SIM1: variants seen among roughly 807,000 people sequenced by gnomAD.
The protein encoded by SIM1 is SIM bHLH transcription factor 1.
Under a neutral mutation model 78.2 loss-of-function variants are expected in SIM1, and 18 were observed. That is an observed-to-expected ratio of 0.23 (90% CI 0.16 to 0.34). The LOEUF is 0.34. Ranked by LOEUF, SIM1 falls within the 10% of genes least tolerant of loss-of-function variation. The probability of loss-of-function intolerance (pLI) is 1.00; values close to 1 mark genes in which losing one functional copy is unlikely to be tolerated. For synonymous variants in SIM1, 417 were observed against 385.2 expected, an observed-to-expected ratio of 1.08 and a Z score of -0.97; for missense variants, 939 against 975.1, an observed-to-expected ratio of 0.96 and a Z score of 0.49.
intron 10 of SIM1, among the ~76,000 whole-genome samples, chr6:100,408,753 A>G (rs984171280): frequency 6.6e-6 from 1 of 152,108 alleles, no homozygotes; most frequent in Non-Finnish European, 1.5e-5. Context: ...CATCCCAGGG[A>G]TAAATCCCAC....
Position 100,385,934 on chromosome 6 carries a change from A to G in SIM1, c.*4427T>C, listed in dbSNP as rs1232424182. 5 of 151,916 alleles carry G rather than the reference A, an allele frequency of 3.3e-5. No homozygotes were observed. Among genetic ancestry groups the G allele is most frequent in the African/African-American group, 1.2e-4 (5 of 41,410 alleles). 9.4% of individuals were successfully genotyped at this position (151,916 alleles called of 1,614,324 possible). On this transcript the variant is annotated 3_prime_UTR_variant, in exon 12 of 12. Transcript: ENST00000369208. ...GAAATTTCCCCCAACAATATTTTCT[A>G]TGTCTGATACCTTTTGCATGTGTCC... is the stretch of plus-strand genomic sequence containing the variant.
At position 100,403,625 on chromosome 6, in the gene SIM1, A is replaced by G. The variant is rs1036483151; in HGVS notation, c.1168-9736T>C. 2.0e-5 allele frequency among the ~76,000 whole-genome samples: 3 copies of G among 152,210 alleles called. 1 individual carries two copies. Among genetic ancestry groups the G allele is most frequent in the Non-Finnish European group, 4.4e-5 (3 of 68,034 alleles). On this transcript the variant is annotated intron_variant, in intron 10 of 11. Coordinates refer to ENST00000369208, the MANE Select transcript of SIM1 (RefSeq NM_005068.3). ...AAAGACCTGAATAGAGGGAAAAACA[A>G]AATAGGAGTTCAAAGAAGGAAAACA...
At chr6:100,440,064 C>T (rs115040264) in intron 9 of SIM1, among the ~76,000 whole-genome samples, 1 of 152,186 alleles carries the variant, frequency 6.6e-6, no homozygotes, top group Non-Finnish European at 1.5e-5. Flanking sequence ...ACAATGAATT[C>T]TCTTTCAAAG....
chr6:100,406,716 G>A (rs1389943179), intron 10 of SIM1, among the ~76,000 whole-genome samples: 2 of 150,906 alleles, frequency 1.3e-5, no homozygotes, highest in Non-Finnish European at 2.9e-5. Context: ...CTACTAAATT[G>A]TATACATTTA....
At chr6:100,421,487 C>T (rs1210749207) in intron 9 of SIM1, among the ~76,000 whole-genome samples, 1 of 152,160 alleles carries the variant, frequency 6.6e-6, no homozygotes, top group Non-Finnish European at 1.5e-5. Flanking sequence ...TCTTTCCATT[C>T]CTTCGTTTAT....
chr6:100,412,576 AAAGAAAGAAAG>A (rs1771227787), intron 10 of SIM1, among the ~76,000 whole-genome samples: 1 of 111,518 alleles, frequency 9.0e-6, no homozygotes, highest in Non-Finnish European at 1.9e-5. Context: ...AGAAAGAAAG[AAAGAAAGAAAG>A]AAAGAAAGAA....
chr6:100,423,401 G>C (rs1771644947), intron 9 of SIM1, among the ~76,000 whole-genome samples: 1 of 152,092 alleles, frequency 6.6e-6, no homozygotes, highest in African/African-American at 2.4e-5. Context: ...CTGTTCTGGG[G>C]GCAGGGAGAC....
At chr6:100,431,434 A>C (rs1771896122) in intron 9 of SIM1, among the ~76,000 whole-genome samples, 1 of 152,206 alleles carries the variant, frequency 6.6e-6, no homozygotes, top group Non-Finnish European at 1.5e-5. Flanking sequence ...TAAATGACTA[A>C]AATAAATTTG....
intron 10 of SIM1, among the ~76,000 whole-genome samples, chr6:100,408,900 G>C (rs1262622685): frequency 1.3e-5 from 2 of 152,068 alleles, no homozygotes; most frequent in Non-Finnish European, 2.9e-5. Flanking sequence ...TTTGGCTTCA[G>C]TATCAGGGTA....
intron 10 of SIM1, 138 bp downstream of exon 10, chr6:100,420,652 A>G (rs898933732): frequency 2.4e-6 from 2 of 817,240 alleles, no homozygotes; most frequent in African/African-American, 3.5e-5. Flanking sequence ...CAGATAGTTT[A>G]GAGAACCTTC....
At chr6:100,408,507 AG>A (rs1423191160) in intron 10 of SIM1, among the ~76,000 whole-genome samples, 1 of 151,928 alleles carries the variant, frequency 6.6e-6, no homozygotes, top group Admixed American at 6.6e-5. Flanking sequence ...CTGGTCTTAG[AG>A]GGAAAGTTTT....
intron 3 of SIM1, among the ~76,000 whole-genome samples, chr6:100,452,529 A>G (rs1772538272): frequency 6.6e-6 from 1 of 152,188 alleles, no homozygotes; most frequent in Non-Finnish European, 1.5e-5. Flanking sequence ...GACTGCAGGG[A>G]TGAGGGAGTA....
intron 9 of SIM1, among the ~76,000 whole-genome samples, chr6:100,428,476 T>C (rs984649405): frequency 2.0e-5 from 3 of 152,172 alleles, no homozygotes; most frequent in African/African-American, 7.2e-5. Context: ...AGCAGCTATA[T>C]GAATTAAAGC....
intron 3 of SIM1, 77 bp from the exon 4 acceptor site, chr6:100,450,433 G>A (rs1772478781): frequency 7.6e-7 from 1 of 1,322,964 alleles, no homozygotes; most frequent in African/African-American, 1.4e-5. Context: ...ACAGAAGTTA[G>A]TGACTTTCAG....
rs1418903685 is a variant in SIM1 at position 100,453,862 on chromosome 6, C to T, written c.176-18G>A. The stretch of plus-strand genomic sequence containing the variant: ...GCCGAGCCCTGTGGAGACACAGAAG[C>T]ATCCTGTAGCCACTGAACCCGGACC... On this transcript the variant is annotated intron_variant, in intron 2 of 11. Transcript: ENST00000369208. The T allele has an allele frequency of 1.3e-6, 2 of 1,596,002 alleles. No individual in the cohort carries two copies. The highest frequency in any genetic ancestry group is 2.7e-5 in the African/African-American group (2 of 74,164).
Position 100,441,129 on chromosome 6 carries a change from C to T in SIM1, c.998+6139G>A, listed in dbSNP as rs1425929319. On this transcript the variant is annotated intron_variant, in intron 9 of 11. Transcript: ENST00000369208. ...GTAGACAGGCTGGTCATTCAATACA[C>T]ACCAAGTGGCCTCTACCCAGGAACT... is the stretch of plus-strand genomic sequence containing the variant. Among the ~76,000 whole-genome samples, 3 of 152,268 alleles carry T rather than the reference C, an allele frequency of 2.0e-5. No homozygotes were observed. The East Asian group carries it at 5.8e-4, about 29-fold the overall frequency.
intron 10 of SIM1, among the ~76,000 whole-genome samples, chr6:100,407,232 G>A (rs902110921): frequency 7.3e-5 from 11 of 151,508 alleles, no homozygotes; most frequent in African/African-American, 9.7e-5. Flanking sequence ...TACAGTATTC[G>A]TCTTTCTCTA....
At chr6:100,448,079 G>A (rs900437259) in intron 8 of SIM1, 67 bp downstream of exon 8, 1 of 1,302,570 alleles carries the variant, frequency 7.7e-7, no homozygotes, top group East Asian at 2.5e-5. Context: ...TTAAATCGTG[G>A]CTCCCCCACC....
rs756219222 is a variant in SIM1, at chr6:100,390,618, T to C, written c.2044A>G (p.Ile682Val). The change falls in exon 12 of 12, where the codon ATA becomes GTA. Residue 682 changes from isoleucine to valine, a missense_variant. Physicochemically the swap from Ile to Val is conservative, Grantham distance 29. This residue lies in a region of SIM1 where 556 missense variants were observed against 521.9 expected (regional missense o/e 1.07). Transcript: ENST00000369208. ...TCTCCTGCTGTCTGATGAGGAGATA[T>C]ATCCGAATGCAGATAGTCTTTAGCT... ...ILAKDYLHSD[I>V]SPHQTAGDHP... The C allele has an allele frequency of 1.2e-5, 20 of 1,614,102 alleles. No homozygotes were observed. The Admixed American group carries it at 1.3e-4, about 11-fold the overall frequency.
Sources: allele counts gnomAD v4.1 joint callset (sites outside exome capture counted in the v4.1 genomes callset), GRCh38; gene constraint gnomAD v4.1.1; regional missense constraint gnomAD v4.1.1; transcripts MANE v1.5; gene names NCBI Gene and HGNC (gene_info 2026-07-23, HGNC 2026-07-21).